ABCA5: variants seen among roughly 807,000 people sequenced by gnomAD.
ABCA5 encodes ATP binding cassette subfamily A member 5, also known as cholesterol transporter ABCA5.
Under a neutral mutation model 206.0 loss-of-function variants are expected in ABCA5, and 163 were observed. The ratio of observed to expected loss-of-function variants is 0.79; its 90% CI spans 0.70 to 0.90. ABCA5 has a LOEUF of 0.90. Among genes scored for constraint, ABCA5 ranks in the 40% least tolerant of loss-of-function variants. The probability of loss-of-function intolerance (pLI) is 0.00; values close to 1 mark genes in which losing one functional copy is unlikely to be tolerated. For missense variants in ABCA5, 1,859 were observed against 1,912.9 expected (o/e 0.97, Z 0.53); for synonymous variants, 609 against 613.8 (o/e 0.99, Z 0.11).
intron 35 of ABCA5, chr17:69,250,959 G>A (rs1164075645): frequency 1.9e-5 from 3 of 157,178 alleles, no homozygotes; most frequent in Non-Finnish European, 4.2e-5. Context: ...TGGCTGTCAC[G>A]TCACCTTAGT....
intron 38 of ABCA5, among the ~76,000 whole-genome samples, chr17:69,247,915 T>G (rs1037523832): frequency 1.7e-4 from 26 of 151,894 alleles, no homozygotes; most frequent in African/African-American, 6.3e-4. Flanking sequence ...AACACCACCA[T>G]CATGACTCAC....
At chr17:69,267,271 A>G (rs373679642) in intron 23 of ABCA5, among the ~76,000 whole-genome samples, 1 of 152,302 alleles carries the variant, frequency 6.6e-6, no homozygotes, top group East Asian at 1.9e-4. Flanking sequence ...CTGAATTAAG[A>G]TCATCCATGA....
chr17:69,269,764 C>A lies in ABCA5; in HGVS notation c.3030+849G>T, dbSNP rs139614179. 6.0e-3 allele frequency among the ~76,000 whole-genome samples: 920 copies of A among 152,110 alleles called. 8 individuals are homozygous for A. Among genetic ancestry groups the A allele is most frequent in the African/African-American group, 0.021 (873 of 41,510 alleles). ...ATAAATGAAGCACTGATACGTGTTA[C>A]AAAACAGATGAATCTTCAAAGCAGT... On this transcript the variant is annotated intron_variant, in intron 22 of 38. Transcript: ENST00000392676.
At chr17:69,290,934 TACTC>T (rs1411332163) in intron 12 of ABCA5, among the ~76,000 whole-genome samples, 1 of 152,160 alleles carries the variant, frequency 6.6e-6, no homozygotes, top group African/African-American at 2.4e-5. Flanking sequence ...TCCAATAAGT[TACTC>T]ATTTATCCTC....
intron 27 of ABCA5, 61 bp from the exon 28 acceptor site, chr17:69,259,858 T>C: frequency 9.1e-7 from 1 of 1,103,570 alleles, no homozygotes; most frequent in Non-Finnish European, 1.3e-6. Flanking sequence ...TTGTTGTTTT[T>C]TCCTTTGCCA....
intron 1 of ABCA5, chr17:69,318,928 T>C (rs1220060198): frequency 4.6e-6 from 3 of 649,600 alleles, no homozygotes; most frequent in Non-Finnish European, 8.6e-6. Context: ...TGCGATGTAA[T>C]GGCATCATCA....
At chr17:69,318,348 G>T (rs760724967) in intron 1 of ABCA5, among the ~76,000 whole-genome samples, 41 of 152,058 alleles carry the variant, frequency 2.7e-4, no homozygotes, top group Non-Finnish European at 1.6e-4. Flanking sequence ...ATCTGCCTTT[G>T]CCTCCCAAAG....
At position 69,255,497 on chromosome 17, in the gene ABCA5, C is replaced by T. The variant is rs189978317; in HGVS notation, c.4068+46G>A. On this transcript the variant is annotated intron_variant, in intron 31 of 38. Coordinates refer to ENST00000392676, the MANE Select transcript of ABCA5 (RefSeq NM_172232.4). The stretch of plus-strand genomic sequence containing the variant: ...GTCACTAAAAGTTTATGTTAATTAA[C>T]AATATAAATCACATTCAACATATCC... 6.7e-5 allele frequency: 77 copies of T among 1,151,132 alleles called. No individual in the cohort carries two copies. In the African/African-American group the frequency reaches 1.1e-3, roughly 16 times the overall value. The allele number at this position is 1,151,132 out of a possible 1,614,324, so 71.3% of individuals were successfully genotyped here. A position where few individuals can be genotyped will look rare whatever the true frequency, so the allele number is the denominator to read the frequency against.
intron 4 of ABCA5, among the ~76,000 whole-genome samples, chr17:69,308,963 T>C (rs1319500789): frequency 1.3e-5 from 2 of 151,936 alleles, no homozygotes; most frequent in Non-Finnish European, 2.9e-5. Flanking sequence ...AACAATTACA[T>C]GAAAAAAAGA....
At chr17:69,279,733 T>C (rs2075371369) in intron 18 of ABCA5, among the ~76,000 whole-genome samples, 1 of 152,004 alleles carries the variant, frequency 6.6e-6, no homozygotes, top group South Asian at 2.1e-4. Flanking sequence ...ATGCCGCATA[T>C]CTACAACTAT....
At chr17:69,273,447 C>CTATTTATTTATTTATTTATTTATT (rs144553920) in intron 20 of ABCA5, among the ~76,000 whole-genome samples, 8,907 of 144,682 alleles carry the variant, frequency 0.062, 337 homozygotes, top group Non-Finnish European at 0.075. Context: ...ATTTTTTTAA[C>CTATTTATTTATTTATTTATTTATT]TATTTATTTA....
intron 36 of ABCA5, 45 bp from the exon 37 acceptor site, chr17:69,250,029 T>A: frequency 8.3e-7 from 1 of 1,211,664 alleles, no homozygotes; most frequent in Non-Finnish European, 1.1e-6. Flanking sequence ...AAATTACTAC[T>A]ATTATGTTCT....
chr17:69,275,737 A>G (rs2075324236), intron 19 of ABCA5, among the ~76,000 whole-genome samples: 1 of 152,146 alleles, frequency 6.6e-6, no homozygotes, highest in Non-Finnish European at 1.5e-5. Context: ...GCCTCCCCAA[A>G]TTTGTATGTT....
At chr17:69,296,139 T>G (rs1309384334) in intron 10 of ABCA5, among the ~76,000 whole-genome samples, 3 of 152,198 alleles carry the variant, frequency 2.0e-5, no homozygotes, top group Non-Finnish European at 4.4e-5. Context: ...TCATTTCATG[T>G]CAGCACAAAT....
Position 69,284,069 on chromosome 17 carries a change from A to C in ABCA5, c.2276T>G (p.Leu759Trp), listed in dbSNP as rs764739420. The C allele has an allele frequency of 1.4e-5, 22 of 1,561,258 alleles. No individual in the cohort carries two copies. Among genetic ancestry groups the C allele is most frequent in the Admixed American group, 2.1e-5 (1 of 48,222 alleles). ...TGAATGACTGTCTAGGGCAGAAAAC[A>C]AACCTAAAAGAAAAAAATGAAAGAA... The part of the protein sequence containing the change: ...PFKDMDKFSG[L>W]FSALDSHSNL... The change falls in exon 18 of 39, where the codon TTG becomes TGG. Residue 759 changes from leucine (L) to tryptophan (W), a missense_variant. Physicochemically the swap from Leu to Trp is moderately conservative, Grantham distance 61. Coordinates refer to ENST00000392676, the MANE Select transcript of ABCA5 (RefSeq NM_172232.4).
Position 69,321,429 on chromosome 17 carries a change from A to G in ABCA5, c.-16+5623T>C, listed in dbSNP as rs536459482. On this transcript the variant is annotated intron_variant, in intron 1 of 38. Transcript: ENST00000392676. ...CAGGTGCCTTTTCTTGGGATACAAGAAACCCCGTATTTAGCATGGAGCTAT... is the reference window on the plus strand; with the variant it reads ...CAGGTGCCTTTTCTTGGGATACAAGGAACCCCGTATTTAGCATGGAGCTAT... Among the ~76,000 whole-genome samples the G allele has an allele frequency of 2.0e-5, 3 of 152,338 alleles. No homozygotes were observed. The East Asian group carries it at 5.8e-4, about 29-fold the overall frequency.
rs1320041983 is a variant in ABCA5, at chr17:69,326,337, G to A, written c.-16+715C>T. Among the ~76,000 whole-genome samples, 1 of 152,136 alleles carries A rather than the reference G, an allele frequency of 6.6e-6. No homozygotes were observed. Among genetic ancestry groups the A allele is most frequent in the Non-Finnish European group, 1.5e-5 (1 of 68,022 alleles). ...GAACGCCCTTGTAGAAAGTAAACGTGGTTATTATCTTCATTATTTTCGGAC... is the reference window on the plus strand; with the variant it reads ...GAACGCCCTTGTAGAAAGTAAACGTAGTTATTATCTTCATTATTTTCGGAC... On this transcript the variant is annotated intron_variant, in intron 1 of 38. Transcript: ENST00000392676. The surrounding 1 kb of genome is among the most constrained non-coding windows in gnomAD (Gnocchi z 4.8).
intron 12 of ABCA5, among the ~76,000 whole-genome samples, chr17:69,290,810 A>G (rs979923460): frequency 2.6e-5 from 4 of 152,074 alleles, no homozygotes; most frequent in African/African-American, 9.7e-5. Flanking sequence ...TTAAAATTCT[A>G]TTTTAGAAGA....
intron 9 of ABCA5, 146 bp from the exon 10 acceptor site, chr17:69,297,505 A>G (rs1018063625): frequency 4.8e-6 from 3 of 631,084 alleles, no homozygotes; most frequent in Non-Finnish European, 7.8e-6. Flanking sequence ...GTTGTACACA[A>G]TAAATATATA....
Sources: allele counts gnomAD v4.1 joint callset (sites outside exome capture counted in the v4.1 genomes callset), GRCh38; gene constraint gnomAD v4.1.1; non-coding constraint Gnocchi (gnomAD v3.1); transcripts MANE v1.5; gene names NCBI Gene and HGNC (gene_info 2026-07-23, HGNC 2026-07-21).